ASPRV1: variants seen among roughly 807,000 people sequenced by gnomAD.
ASPRV1 encodes aspartic peptidase retroviral like 1.
In ASPRV1, 7 loss-of-function variants were observed where a neutral mutation model predicts 11.0. The observed-to-expected ratio is 0.64, with a 90% CI of 0.36 to 1.20. The LOEUF (loss-of-function observed/expected upper bound fraction) is 1.20, where lower values mean the gene tolerates loss of function less well. ASPRV1 is among the 50% of genes most tolerant of loss of function. The pLI, the probability that ASPRV1 is intolerant of heterozygous loss-of-function variation, is 0.02. For missense variants in ASPRV1, 299 were observed against 320.0 expected, an observed-to-expected ratio of 0.93 and a Z score of 0.50; for synonymous variants, 136 against 138.4, an observed-to-expected ratio of 0.98 and a Z score of 0.12.
chr2:70,013,646 T>C, the ASPRV1 span, among the ~76,000 whole-genome samples: 1 of 152,186 alleles, frequency 6.6e-6, no homozygotes, highest in East Asian at 1.9e-4. Flanking sequence ...TCCCAGCACT[T>C]TGGGAGGCCA....
the ASPRV1 span, among the ~76,000 whole-genome samples, chr2:70,023,673 C>CAA: frequency 0.015 from 1,822 of 125,602 alleles, 30 homozygotes; most frequent in African/African-American, 0.041. Context: ...GACTCTGTCT[C>CAA]AAAAAAAAAA....
the ASPRV1 span, chr2:70,075,374 C>T: frequency 7.0e-6 from 1 of 143,488 alleles, no homozygotes; most frequent in African/African-American, 2.6e-5. Context: ...AAAAAGCAAG[C>T]ATGAACTCAG....
chr2:69,964,443 T>G (rs1678267438), upstream of ASPRV1: 2 of 407,006 alleles, frequency 4.9e-6, no homozygotes, highest in African/African-American at 4.2e-5. Flanking sequence ...ATCAGGAACA[T>G]GGGTAAAGGT....
the ASPRV1 span, among the ~76,000 whole-genome samples, chr2:69,985,103 A>G: frequency 6.6e-6 from 1 of 152,038 alleles, no homozygotes; most frequent in African/African-American, 2.4e-5. Context: ...TGATCTGCCC[A>G]CCTCGGCCTC....
chr2:70,029,650 A>G, the ASPRV1 span, among the ~76,000 whole-genome samples: 1 of 152,136 alleles, frequency 6.6e-6, no homozygotes. Context: ...AAACAAAACA[A>G]AACAAAATAG....
At chr2:70,066,647 G>A in the ASPRV1 span, among the ~76,000 whole-genome samples, 1 of 151,890 alleles carries the variant, frequency 6.6e-6, no homozygotes, top group Admixed American at 6.6e-5. Flanking sequence ...ACCAAGGCTG[G>A]AGTGCAGTGG....
At chr2:70,009,882 G>C in the ASPRV1 span, among the ~76,000 whole-genome samples, 1 of 152,170 alleles carries the variant, frequency 6.6e-6, no homozygotes, top group East Asian at 1.9e-4. Context: ...TAATTTAGAT[G>C]TATCTGTAGG....
chr2:70,056,860 G>A, the ASPRV1 span, among the ~76,000 whole-genome samples: 49 of 151,564 alleles, frequency 3.2e-4, no homozygotes, highest in East Asian at 4.4e-3. Flanking sequence ...TCAGCCTCGC[G>A]AGTAGCTGGG....
chr2:69,958,820 T>C (rs575343247), downstream of ASPRV1, among the ~76,000 whole-genome samples: 8 of 152,172 alleles, frequency 5.3e-5, no homozygotes, highest in South Asian at 1.7e-3. Context: ...CATCGCCTTC[T>C]CCAGTTCTCT....
At chr2:70,021,798 G>C in the ASPRV1 span, among the ~76,000 whole-genome samples, 1 of 151,950 alleles carries the variant, frequency 6.6e-6, no homozygotes, top group African/African-American at 2.4e-5. Flanking sequence ...CGCCTCCCGG[G>C]TTCATGCGAT....
chr2:70,007,049 A>C, the ASPRV1 span, among the ~76,000 whole-genome samples: 2 of 152,220 alleles, frequency 1.3e-5, no homozygotes, highest in Non-Finnish European at 2.9e-5. Context: ...AAAAGGACCT[A>C]TCTCTTGGGC....
the ASPRV1 span, among the ~76,000 whole-genome samples, chr2:70,022,600 G>A: frequency 1.3e-5 from 2 of 152,018 alleles, no homozygotes; most frequent in African/African-American, 4.8e-5. Flanking sequence ...TGAAGTGGGA[G>A]CATCATTTGA....
the ASPRV1 span, chr2:70,070,365 G>C: frequency 6.6e-6 from 1 of 152,098 alleles, no homozygotes; most frequent in African/African-American, 2.4e-5. Context: ...CTTAGACTTT[G>C]TCGAGACTAG....
the ASPRV1 span, among the ~76,000 whole-genome samples, chr2:70,076,615 T>C: frequency 1.3e-5 from 2 of 152,336 alleles, no homozygotes; most frequent in South Asian, 2.1e-4. Context: ...AAAACATATT[T>C]GATACACTTA....
At chr2:69,962,083 T>G (rs1572876599), upstream of ASPRV1, 1 of 191,416 alleles carries the variant, frequency 5.2e-6, no homozygotes, top group East Asian at 1.5e-4. Flanking sequence ...CACTGGGAAG[T>G]GTCTCACACA....
chr2:70,071,190 C>CTT, the ASPRV1 span, among the ~76,000 whole-genome samples: 1 of 152,184 alleles, frequency 6.6e-6, no homozygotes, highest in Non-Finnish European at 1.5e-5. Flanking sequence ...ACCATCAATT[C>CTT]ATTCTTCAAG....
At chr2:70,033,186 T>C in the ASPRV1 span, among the ~76,000 whole-genome samples, 2 of 151,746 alleles carry the variant, frequency 1.3e-5, no homozygotes, top group Non-Finnish European at 2.9e-5. Context: ...CTCACTCACT[T>C]CTCACCTCCT....
chr2:69,997,109 C>A, the ASPRV1 span, among the ~76,000 whole-genome samples: 1 of 151,608 alleles, frequency 6.6e-6, no homozygotes, highest in Admixed American at 6.6e-5. Flanking sequence ...TGGCTTAAGC[C>A]CAGAAGTTGA....
At chr2:70,052,523 A>G in the ASPRV1 span, among the ~76,000 whole-genome samples, 1 of 152,206 alleles carries the variant, frequency 6.6e-6, no homozygotes, top group African/African-American at 2.4e-5. Flanking sequence ...AGGCAACAGT[A>G]TAAGCAGCGT....
Sources: allele counts gnomAD v4.1 joint callset (sites outside exome capture counted in the v4.1 genomes callset), GRCh38; gene constraint gnomAD v4.1.1; transcripts MANE v1.5; gene names NCBI Gene and HGNC (gene_info 2026-07-23, HGNC 2026-07-21).